The following PHACTR1 variants were observed in gnomAD, a reference collection of about 807,000 sequenced individuals.
The protein encoded by PHACTR1 is phosphatase and actin regulator 1, also known as RPEL repeat containing 1.
PHACTR1 carries 16 observed loss-of-function variants against 69.2 expected under a neutral mutation model. The ratio of observed to expected loss-of-function variants is 0.23; its 90% CI spans 0.16 to 0.35. The LOEUF (loss-of-function observed/expected upper bound fraction) is 0.35, where lower values mean the gene tolerates loss of function less well. Ranked by LOEUF, PHACTR1 falls within the 10% of genes least tolerant of loss-of-function variation. The pLI, the probability that PHACTR1 is intolerant of heterozygous loss-of-function variation, is 1.00. For synonymous variants in PHACTR1, 312 were observed against 284.5 expected, an observed-to-expected ratio of 1.10 and a Z score of -0.97; for missense variants, 510 against 734.7, an observed-to-expected ratio of 0.69 and a Z score of 3.54.
chr6:12,944,534 T>C (rs1046816860), intron 4 of PHACTR1, among the ~76,000 whole-genome samples: 3 of 152,206 alleles, frequency 2.0e-5, no homozygotes, highest in African/African-American at 7.2e-5. Flanking sequence ...ATAAACTTCC[T>C]TATTCTGACT....
At position 12,798,039 on chromosome 6, in the gene PHACTR1, G is replaced by GACACAC. The variant is rs10529531; in HGVS notation, c.250+48274_250+48279dup. Among the ~76,000 whole-genome samples the GACACAC allele has an allele frequency of 4.1e-3, 562 of 137,874 alleles. 9 individuals are homozygous for GACACAC. Among genetic ancestry groups the GACACAC allele is most frequent in the African/African-American group, 0.014 (499 of 35,816 alleles). 90.5% of individuals were successfully genotyped at this position (137,874 alleles called of 152,430 possible). A position where few individuals can be genotyped will look rare whatever the true frequency, so the allele number is the denominator to read the frequency against. On this transcript the variant is annotated intron_variant, in intron 4 of 14. Coordinates refer to ENST00000332995, the MANE Select transcript of PHACTR1 (RefSeq NM_030948.6). ...ACTGTCAATGTCTCATCATTTCCTA[G>GACACAC]ACACACACACACACACACACACACA...
chr6:12,961,267 T>A (rs570899085), intron 4 of PHACTR1, among the ~76,000 whole-genome samples: 3 of 152,060 alleles, frequency 2.0e-5, no homozygotes, highest in African/African-American at 4.8e-5. Flanking sequence ...TCCAACAGAA[T>A]ACAGAAAGAT....
chr6:13,008,879 G>T (rs566724020), intron 4 of PHACTR1, among the ~76,000 whole-genome samples: 4 of 152,204 alleles, frequency 2.6e-5, no homozygotes, highest in Non-Finnish European at 5.9e-5. Flanking sequence ...TAGGGATGGT[G>T]TAACAAATTA....
intron 4 of PHACTR1, among the ~76,000 whole-genome samples, chr6:12,987,101 GA>G (rs1458943763): frequency 1.3e-5 from 2 of 152,124 alleles, no homozygotes; most frequent in Non-Finnish European, 2.9e-5. Context: ...GATTTTAAAA[GA>G]AATGTAATAT....
chr6:13,253,866 C>G (rs4711949), intron 10 of PHACTR1, among the ~76,000 whole-genome samples: 2 of 152,184 alleles, frequency 1.3e-5, no homozygotes, highest in Admixed American at 1.3e-4. Context: ...AGGGCTAAGA[C>G]AGTAAAGGAG....
intron 4 of PHACTR1, among the ~76,000 whole-genome samples, chr6:12,885,636 A>G (rs2127461336): frequency 6.6e-6 from 1 of 152,352 alleles, no homozygotes; most frequent in East Asian, 1.9e-4. Flanking sequence ...GTTTGAAAGT[A>G]TCCTCACAAT....
chr6:12,931,909 G>T (rs901243147), intron 4 of PHACTR1, among the ~76,000 whole-genome samples: 1 of 151,894 alleles, frequency 6.6e-6, no homozygotes, highest in African/African-American at 2.4e-5. Flanking sequence ...GATAGTAAGA[G>T]TCTTCCACTC....
chr6:12,868,358 C>CT (rs373971376), intron 4 of PHACTR1, among the ~76,000 whole-genome samples: 1 of 151,486 alleles, frequency 6.6e-6, no homozygotes, highest in African/African-American at 2.4e-5. Context: ...TGATAACCAT[C>CT]TTTTTTTTCT....
intron 5 of PHACTR1, among the ~76,000 whole-genome samples, chr6:13,110,766 G>A (rs367827278): frequency 1.1e-4 from 16 of 152,256 alleles, no homozygotes; most frequent in South Asian, 4.1e-4. Context: ...ACTGCTCTGC[G>A]TGTCTGAACT....
intron 5 of PHACTR1, among the ~76,000 whole-genome samples, chr6:13,159,007 A>T (rs1583637356): frequency 6.6e-6 from 1 of 152,156 alleles, no homozygotes. Flanking sequence ...CAGCTGCTGG[A>T]ATAGCCTTCT....
chr6:12,984,782 A>AT (rs1795937520), intron 4 of PHACTR1, among the ~76,000 whole-genome samples: 1 of 45,946 alleles, frequency 2.2e-5, no homozygotes, highest in Admixed American at 1.5e-4. Context: ...TTTGTTTCAT[A>AT]AGGAAAAAGC....
chr6:13,235,091 T>A (rs1400939684), intron 10 of PHACTR1, among the ~76,000 whole-genome samples: 1 of 152,220 alleles, frequency 6.6e-6, no homozygotes, highest in African/African-American at 2.4e-5. Context: ...TAGATTCGTA[T>A]TGATGAAGTT....
intron 7 of PHACTR1, among the ~76,000 whole-genome samples, chr6:13,195,618 C>T (rs9349503): frequency 0.085 from 12,850 of 151,650 alleles, 1,306 homozygotes; most frequent in East Asian, 0.58. Flanking sequence ...ATTAGCTGGG[C>T]GTTGTGGCGA....
At chr6:12,820,311 G>T (rs1032058998) in intron 4 of PHACTR1, among the ~76,000 whole-genome samples, 3 of 152,142 alleles carry the variant, frequency 2.0e-5, no homozygotes, top group Non-Finnish European at 4.4e-5. Flanking sequence ...CTCCCAAGGA[G>T]CTGGGACTAC....
chr6:13,180,271 G>C (rs556582884), intron 6 of PHACTR1, among the ~76,000 whole-genome samples: 4 of 152,162 alleles, frequency 2.6e-5, no homozygotes, highest in Non-Finnish European at 5.9e-5. Flanking sequence ...AAGGAAATGT[G>C]TATTTAGCAA....
rs1429677212 is a variant in PHACTR1, at chr6:13,287,264, G to A, written c.*186G>A. 2.0e-5 allele frequency: 13 copies of A among 652,596 alleles called. No homozygotes were observed. Among genetic ancestry groups the A allele is most frequent in the South Asian group, 1.0e-4 (5 of 49,336 alleles). 40.4% of individuals were successfully genotyped at this position (652,596 alleles called of 1,614,324 possible). On this transcript the variant is annotated 3_prime_UTR_variant, in exon 15 of 15. Transcript: ENST00000332995. ...TGTGAAAACGCAAAAGTGATGGCTC[G>A]GCGGTCCGAGCTGCTGGTCCCACTT...
intron 4 of PHACTR1, among the ~76,000 whole-genome samples, chr6:12,823,766 A>G (rs1006489145): frequency 2.6e-5 from 4 of 152,188 alleles, no homozygotes; most frequent in African/African-American, 9.6e-5. Context: ...ATTTGCTGCC[A>G]TTTTAGAAGC....
intron 4 of PHACTR1, among the ~76,000 whole-genome samples, chr6:12,985,918 C>T (rs1382802784): frequency 6.6e-6 from 1 of 151,882 alleles, no homozygotes; most frequent in Admixed American, 6.6e-5. Context: ...CCACTGCAAC[C>T]TCCGTCTCCC....
intron 4 of PHACTR1, chr6:12,934,110 C>G: frequency 1.1e-6 from 1 of 898,752 alleles, no homozygotes. Flanking sequence ...CTTGTGTCTT[C>G]CAGCTTCTGG....
Sources: allele counts gnomAD v4.1 joint callset (sites outside exome capture counted in the v4.1 genomes callset), GRCh38; gene constraint gnomAD v4.1.1; transcripts MANE v1.5; gene names NCBI Gene and HGNC (gene_info 2026-07-23, HGNC 2026-07-21).